Variants in ATAD2B observed in about 807,000 individuals in gnomAD.
ATAD2B encodes the protein ATPase family AAA domain-containing protein 2B.
In ATAD2B, 40 loss-of-function variants were observed where a neutral mutation model predicts 167.6. That is an observed-to-expected ratio of 0.24 (90% confidence interval 0.19 to 0.31). The LOEUF (loss-of-function observed/expected upper bound fraction) is 0.31. Among genes scored for constraint, ATAD2B ranks in the 10% least tolerant of loss-of-function variants. The probability of loss-of-function intolerance (pLI) is 1.00; values close to 1 mark genes in which losing one functional copy is unlikely to be tolerated. For missense variants in ATAD2B, 1,242 were observed against 1,757.2 expected, an observed-to-expected ratio of 0.71 and a Z score of 5.24; for synonymous variants, 579 against 596.5, an observed-to-expected ratio of 0.97 and a Z score of 0.43.
chr2:23,701,836 C>T, the ATAD2B span, among the ~76,000 whole-genome samples: 1 of 129,744 alleles, frequency 7.7e-6, no homozygotes, highest in Non-Finnish European at 1.6e-5. Flanking sequence ...GAGTTTTGCT[C>T]GTTGCCCAGG....
chr2:23,769,101 T>C (rs1572676477), intron 22 of ATAD2B, among the ~76,000 whole-genome samples: 1 of 152,264 alleles, frequency 6.6e-6, no homozygotes, highest in Admixed American at 6.5e-5. Flanking sequence ...TAGGACCCCA[T>C]CTCCCCTTGG....
At chr2:23,702,393 T>C in the ATAD2B span, among the ~76,000 whole-genome samples, 4 of 152,240 alleles carry the variant, frequency 2.6e-5, no homozygotes, top group African/African-American at 4.8e-5. Context: ...TCATGGATTT[T>C]ATTGAACACT....
chr2:23,915,592 T>G (rs1483056326), intron 1 of ATAD2B, among the ~76,000 whole-genome samples: 1 of 45,406 alleles, frequency 2.2e-5, no homozygotes, highest in African/African-American at 6.4e-5. Context: ...GATTCTTTTT[T>G]TTTTTTTTTT....
intron 16 of ATAD2B, among the ~76,000 whole-genome samples, chr2:23,821,127 A>T (rs1001863503): frequency 3.9e-5 from 6 of 152,218 alleles, no homozygotes; most frequent in African/African-American, 1.4e-4. Context: ...TTGATAATCA[A>T]ATAAAATTTG....
At chr2:23,915,583 A>ATTTT (rs1553459298) in intron 1 of ATAD2B, among the ~76,000 whole-genome samples, 35 of 106,672 alleles carry the variant, frequency 3.3e-4, no homozygotes, top group Admixed American at 5.4e-4. Flanking sequence ...CTGACTACCG[A>ATTTT]TTCTTTTTTT....
rs1010373977 is a variant in ATAD2B at position 23,750,427 on chromosome 2, C to T, written c.*1619G>A. The T allele has an allele frequency of 6.6e-6, 1 of 152,206 alleles. No individual in the cohort carries two copies. The highest frequency in any genetic ancestry group is 2.4e-5 in the African/African-American group (1 of 41,544). The allele number at this position is 152,206 out of a possible 1,614,324, so 9.4% of individuals were successfully genotyped here. On this transcript the variant is annotated 3_prime_UTR_variant, in exon 28 of 28. Coordinates refer to ENST00000238789, the MANE Select transcript of ATAD2B (RefSeq NM_017552.4). Reference sequence around the variant, plus strand: ...GCCAAAGTATGCTTTCTGCACACTACAAAGAGCCAAAGACAAGGAGACAAG... The same window carrying T: ...GCCAAAGTATGCTTTCTGCACACTATAAAGAGCCAAAGACAAGGAGACAAG...
At chr2:23,909,147 AAAAG>A (rs1558782574) in intron 1 of ATAD2B, among the ~76,000 whole-genome samples, 5 of 152,024 alleles carry the variant, frequency 3.3e-5, no homozygotes, top group South Asian at 4.1e-4. Flanking sequence ...TAAAAAAAAA[AAAAG>A]AAAGGCTCCT....
chr2:23,729,098 G>GA, the ATAD2B span, among the ~76,000 whole-genome samples: 4 of 152,152 alleles, frequency 2.6e-5, no homozygotes, highest in Non-Finnish European at 5.9e-5. Context: ...CAGTGAGGGG[G>GA]ATGTCTGTCC....
intron 22 of ATAD2B, among the ~76,000 whole-genome samples, chr2:23,768,398 C>T (rs2149339111): frequency 6.6e-6 from 1 of 152,028 alleles, no homozygotes; most frequent in Non-Finnish European, 1.5e-5. Flanking sequence ...TTACCTGCTC[C>T]ACCCTGTACA....
the ATAD2B span, among the ~76,000 whole-genome samples, chr2:23,709,717 T>C: frequency 6.6e-6 from 1 of 152,088 alleles, no homozygotes; most frequent in Admixed American, 6.5e-5. Context: ...TGAGGCTTTA[T>C]GGTGAGTGGA....
intron 20 of ATAD2B, among the ~76,000 whole-genome samples, chr2:23,786,442 G>C (rs1255602676): frequency 6.6e-6 from 1 of 152,044 alleles, no homozygotes; most frequent in Admixed American, 6.6e-5. Context: ...TATAGCCTAT[G>C]ACATACCTAG....
the ATAD2B span, among the ~76,000 whole-genome samples, chr2:23,728,219 A>G: frequency 6.6e-6 from 1 of 152,150 alleles, no homozygotes; most frequent in Non-Finnish European, 1.5e-5. Context: ...TAAATCTAAA[A>G]CTGCTTTAAA....
Position 23,814,414 on chromosome 2 carries a change from A to G in ATAD2B, c.2268-3912T>C, listed in dbSNP as rs576833296. 3.5e-4 allele frequency among the ~76,000 whole-genome samples: 53 copies of G among 152,308 alleles called. 1 individual carries two copies. The South Asian group carries it at 3.5e-3, about 10-fold the overall frequency. ...AAATTACCATAGTTCAATGTGATTA[A>G]TAAGGGGTACTGTTTAAGTACACAG... On this transcript the variant is annotated intron_variant, in intron 17 of 27. Coordinates refer to ENST00000238789, the MANE Select transcript of ATAD2B (RefSeq NM_017552.4).
intron 8 of ATAD2B, among the ~76,000 whole-genome samples, chr2:23,871,101 G>T (rs1282533380): frequency 1.5e-5 from 2 of 131,856 alleles, no homozygotes; most frequent in Non-Finnish European, 3.3e-5. Flanking sequence ...CCACTAACTA[G>T]TAATTTGCAA....
At chr2:23,802,633 A>C (rs993716982) in intron 18 of ATAD2B, among the ~76,000 whole-genome samples, 2 of 151,774 alleles carry the variant, frequency 1.3e-5, no homozygotes, top group African/African-American at 2.4e-5. Flanking sequence ...CTTGTCTACA[A>C]CTCAAAAAAA....
the ATAD2B span, chr2:23,706,815 A>G: frequency 3.5e-6 from 2 of 569,706 alleles, no homozygotes; most frequent in Non-Finnish European, 5.8e-6. Context: ...TCTACATTGA[A>G]TGTAGAAAAT....
chr2:23,718,010 C>T, the ATAD2B span, among the ~76,000 whole-genome samples: 8 of 152,034 alleles, frequency 5.3e-5, no homozygotes, highest in Admixed American at 5.2e-4. Flanking sequence ...TTTTAAGTAA[C>T]AAAGAAATGA....
intron 22 of ATAD2B, among the ~76,000 whole-genome samples, chr2:23,777,214 T>C (rs1318502521): frequency 1.3e-5 from 2 of 152,118 alleles, no homozygotes; most frequent in Admixed American, 1.3e-4. Flanking sequence ...ATTGATAACC[T>C]CTAGAACTGT....
chr2:23,704,623 C>A, the ATAD2B span, among the ~76,000 whole-genome samples: 7 of 152,166 alleles, frequency 4.6e-5, no homozygotes, highest in African/African-American at 1.7e-4. Flanking sequence ...AAAAATTTGC[C>A]AGGCGTGGTG....
Sources: gnomAD v4.1 joint callset for allele counts (sites outside exome capture counted in the v4.1 genomes callset) on GRCh38, gnomAD v4.1.1 for gene constraint, MANE v1.5 for transcripts, NCBI Gene and HGNC (gene_info 2026-07-23, HGNC 2026-07-21) for gene names.